The following GALNT17 variants were observed in gnomAD, a reference collection of about 807,000 sequenced individuals.
The protein encoded by GALNT17 is UDP-GalNAc:polypeptide N-acetylgalactosaminyltransferase-like 3.
In GALNT17, 29 loss-of-function variants were observed where a neutral mutation model predicts 63.7. The ratio of observed to expected loss-of-function variants is 0.46; its 90% CI spans 0.34 to 0.62. The LOEUF (loss-of-function observed/expected upper bound fraction) is 0.62. GALNT17 is among the 20% of genes least tolerant of loss of function. The probability of loss-of-function intolerance (pLI) is 0.01; values close to 1 mark genes in which losing one functional copy is unlikely to be tolerated. For missense variants in GALNT17, 603 were observed against 799.6 expected, an observed-to-expected ratio of 0.75 and a Z score of 2.97; for synonymous variants, 305 against 318.3, an observed-to-expected ratio of 0.96 and a Z score of 0.45.
intron 9 of GALNT17, among the ~76,000 whole-genome samples, chr7:71,701,268 C>A (rs904737711): frequency 6.6e-6 from 1 of 152,098 alleles, no homozygotes; most frequent in African/African-American, 2.4e-5. Context: ...AGGCAGATCA[C>A]CTGAGGTCAG....
Position 71,227,269 on chromosome 7 carries a change from C to T in GALNT17, c.238+94229C>T, listed in dbSNP as rs10275428. On this transcript the variant is annotated intron_variant, in intron 1 of 10. Transcript: ENST00000333538. The stretch of plus-strand genomic sequence containing the variant: ...GTCGCAGCTACTTGGGAGACTGAGG[C>T]GGGAGAATTGCTTGAGTGCAGGAGT... Among the ~76,000 whole-genome samples, 1,442 of 147,914 alleles carry T rather than the reference C, an allele frequency of 9.7e-3. 23 individuals are homozygous for T. The highest frequency in any genetic ancestry group is 0.034 in the African/African-American group (1,351 of 40,172).
chr7:71,639,890 C>T (rs1280185324), intron 6 of GALNT17, among the ~76,000 whole-genome samples: 1 of 152,026 alleles, frequency 6.6e-6, no homozygotes, highest in Non-Finnish European at 1.5e-5. Context: ...TGGTTGATTG[C>T]GGGAAGATCG....
At chr7:71,252,024 G>A (rs1790207158) in intron 1 of GALNT17, among the ~76,000 whole-genome samples, 1 of 152,098 alleles carries the variant, frequency 6.6e-6, no homozygotes, top group South Asian at 2.1e-4. Flanking sequence ...TGCCCCTGCT[G>A]CCTCCTCCGG....
chr7:71,315,664 T>C (rs562214292), intron 1 of GALNT17, among the ~76,000 whole-genome samples: 1 of 152,228 alleles, frequency 6.6e-6, no homozygotes, highest in East Asian at 1.9e-4. Flanking sequence ...AAACATGCAA[T>C]CACTGAGGTT....
intron 2 of GALNT17, among the ~76,000 whole-genome samples, chr7:71,379,228 T>G (rs1792799782): frequency 6.6e-6 from 1 of 152,054 alleles, no homozygotes; most frequent in African/African-American, 2.4e-5. Flanking sequence ...TTGTGTGACT[T>G]GAGAGACAGC....
chr7:71,576,340 G>A (rs1453246985), intron 6 of GALNT17, among the ~76,000 whole-genome samples: 1 of 152,186 alleles, frequency 6.6e-6, no homozygotes, highest in Non-Finnish European at 1.5e-5. Flanking sequence ...ACACTTGTGA[G>A]AATGATTTAT....
chr7:71,455,072 A>T (rs754036182), intron 5 of GALNT17, among the ~76,000 whole-genome samples: 1 of 151,842 alleles, frequency 6.6e-6, no homozygotes, highest in Non-Finnish European at 1.5e-5. Context: ...GGAGGCTGAG[A>T]TGGGCCCATT....
chr7:71,494,480 G>A (rs996060695), intron 5 of GALNT17, among the ~76,000 whole-genome samples: 8 of 151,986 alleles, frequency 5.3e-5, no homozygotes, highest in African/African-American at 1.9e-4. Context: ...CAAGTAGCTG[G>A]GACTACAGGT....
intron 1 of GALNT17, among the ~76,000 whole-genome samples, chr7:71,313,071 T>C (rs1170488009): frequency 6.6e-6 from 1 of 152,156 alleles, no homozygotes; most frequent in Non-Finnish European, 1.5e-5. Flanking sequence ...ATTCTGCCAC[T>C]GCACTCCAGT....
intron 5 of GALNT17, among the ~76,000 whole-genome samples, chr7:71,570,499 G>A (rs1789421908): frequency 6.6e-6 from 1 of 152,074 alleles, no homozygotes; most frequent in Non-Finnish European, 1.5e-5. Flanking sequence ...GGGGAGTGGT[G>A]CATCTTGCTT....
At chr7:71,519,810 G>A (rs771707541) in intron 5 of GALNT17, among the ~76,000 whole-genome samples, 3 of 152,090 alleles carry the variant, frequency 2.0e-5, no homozygotes, top group Non-Finnish European at 4.4e-5. Flanking sequence ...TGTCCAGTCA[G>A]TATTGCACCT....
At chr7:71,564,346 G>A (rs1257617230) in intron 5 of GALNT17, among the ~76,000 whole-genome samples, 2 of 140,882 alleles carry the variant, frequency 1.4e-5, no homozygotes, top group African/African-American at 2.7e-5. Context: ...GTGCAGTGTG[G>A]CATGATCTCT....
intron 6 of GALNT17, among the ~76,000 whole-genome samples, chr7:71,620,436 C>T (rs1255402682): frequency 2.0e-5 from 3 of 152,100 alleles, no homozygotes; most frequent in African/African-American, 4.8e-5. Flanking sequence ...ATGATCATGC[C>T]ACTGCACTCC....
At chr7:71,204,425 T>G (rs1789232462) in intron 1 of GALNT17, among the ~76,000 whole-genome samples, 1 of 152,208 alleles carries the variant, frequency 6.6e-6, no homozygotes, top group Non-Finnish European at 1.5e-5. Flanking sequence ...TTTTCTTTTA[T>G]TTTTGTAAAA....
intron 6 of GALNT17, among the ~76,000 whole-genome samples, chr7:71,643,626 G>A (rs75126807): frequency 0.11 from 16,913 of 152,220 alleles, 1,139 homozygotes; most frequent in Non-Finnish European, 0.15. Context: ...CAAGGTTTCT[G>A]TGAATGGGCA....
At chr7:71,622,473 G>A (rs1790307889) in intron 6 of GALNT17, among the ~76,000 whole-genome samples, 2 of 152,056 alleles carry the variant, frequency 1.3e-5, no homozygotes, top group South Asian at 2.1e-4. Context: ...AAGCCCTCTG[G>A]GTGTCTGTCT....
In GALNT17 at chr7:71,621,505, G is replaced by A. The variant is rs767711785; in HGVS notation, c.1081-43906G>A. Among the ~76,000 whole-genome samples the A allele has an allele frequency of 6.5e-3, 658 of 101,460 alleles. 6 individuals are homozygous for A. Among genetic ancestry groups the A allele is most frequent in the African/African-American group, 0.022 (626 of 28,598 alleles). 66.6% of individuals were successfully genotyped at this position (101,460 alleles called of 152,430 possible). On this transcript the variant is annotated intron_variant, in intron 6 of 10. Transcript: ENST00000333538. ...TGAATGGATGGATTGATGGATAGAT[G>A]GATGGATGGATGGATGGATGGATGG...
chr7:71,624,900 C>T (rs190988225), intron 6 of GALNT17, among the ~76,000 whole-genome samples: 30 of 152,332 alleles, frequency 2.0e-4, no homozygotes, highest in African/African-American at 4.6e-4. Context: ...TCATACATTT[C>T]ATTCATCATT....
chr7:71,323,055 C>T (rs755849284), intron 1 of GALNT17, among the ~76,000 whole-genome samples: 1 of 151,804 alleles, frequency 6.6e-6, no homozygotes, highest in Non-Finnish European at 1.5e-5. Flanking sequence ...GATAAAAGGA[C>T]GGTTAATGAT....
Sources: gnomAD v4.1 joint callset for allele counts (sites outside exome capture counted in the v4.1 genomes callset) on GRCh38, gnomAD v4.1.1 for gene constraint, MANE v1.5 for transcripts, NCBI Gene and HGNC (gene_info 2026-07-23, HGNC 2026-07-21) for gene names.